The following HRAS variants were observed in gnomAD, a reference collection of about 807,000 sequenced individuals.
HRAS encodes the protein HRas proto-oncogene, GTPase.
In HRAS, 11 loss-of-function variants were observed where a neutral mutation model predicts 19.8. The ratio of observed to expected loss-of-function variants is 0.55; its 90% CI spans 0.35 to 0.92. The LOEUF (loss-of-function observed/expected upper bound fraction) is 0.92, where lower values mean the gene tolerates loss of function less well. Among genes scored for constraint, HRAS ranks in the 40% least tolerant of loss-of-function variants. The pLI, the probability that HRAS is intolerant of heterozygous loss-of-function variation, is 0.01. For synonymous variants in HRAS, 149 were observed against 105.5 expected, an observed-to-expected ratio of 1.41 and a Z score of -2.52; for missense variants, 204 against 255.9, an observed-to-expected ratio of 0.80 and a Z score of 1.38.
In HRAS at chr11:534,305, C is replaced by T. The variant is rs1370136176; in HGVS notation, c.18G>A (p.Leu6=). The T allele has an allele frequency of 3.1e-6, 5 of 1,613,112 alleles. No homozygotes were observed. The highest frequency in any genetic ancestry group is 1.7e-5 in the Admixed American group (1 of 60,026). Residue 6 remains leucine (L), a synonymous_variant, in exon 2 of 6, where the codon CTG becomes CTA. Coordinates refer to ENST00000311189, the MANE Select transcript of HRAS (RefSeq NM_005343.4). MTEYK[L]VVVGAGGVGK... ...CCACACCGCCGGCGCCCACCACCAC[C>T]AGCTTATATTCCGTCATCGCTCCTC...
At chr11:532,984 C>T (rs1390839287) in intron 4 of HRAS, among the ~76,000 whole-genome samples, 1 of 152,204 alleles carries the variant, frequency 6.6e-6, no homozygotes, top group African/African-American at 2.4e-5. Context: ...TGGCCCGGGG[C>T]CCTCCTGAAC....
At position 532,517 on chromosome 11, in the gene HRAS, C is replaced by T. The variant is rs1851162946; in HGVS notation, c.*11G>A. Reference sequence around the variant, plus strand: ...GCATCCGGCACCTCCATGTCCTGAGCTTGTGCTGGGCGGGGCACAAGGGAG... The same window carrying T: ...GCATCCGGCACCTCCATGTCCTGAGTTTGTGCTGGGCGGGGCACAAGGGAG... On this transcript the variant is annotated 3_prime_UTR_variant, in exon 6 of 6. Transcript: ENST00000311189. 3 of 1,392,436 alleles carry T rather than the reference C, an allele frequency of 2.2e-6. No homozygotes were observed. Among genetic ancestry groups the T allele is most frequent in the South Asian group, 2.5e-5 (2 of 79,626 alleles). The allele number at this position is 1,392,436 out of a possible 1,614,324, so 86.3% of individuals were successfully genotyped here.
intron 2 of HRAS, 75 bp from the exon 3 acceptor site, chr11:534,019 G>C (rs2133992732): frequency 2.0e-6 from 3 of 1,502,898 alleles, no homozygotes; most frequent in Admixed American, 3.3e-5. Context: ...CCTCTCCCTG[G>C]TACCTCTCAT....
chr11:535,467 C>CGGGGCGGGGGCG lies in HRAS; in HGVS notation c.-117_-106dup, dbSNP rs1554885658. On this transcript the variant is annotated 5_prime_UTR_variant, in exon 1 of 6. Coordinates refer to ENST00000311189, the MANE Select transcript of HRAS (RefSeq NM_005343.4). ...GCCAGGGCCGGGGCCGAGGCCGGGG[C>CGGGGCGGGGGCG]GGGGCGGGGGCGGGGGCGCGCGGTT... 1.4e-5 allele frequency: 2 copies of CGGGGCGGGGGCG among 147,078 alleles called. No individual in the cohort carries two copies. The highest frequency in any genetic ancestry group is 3.0e-5 in the Non-Finnish European group (2 of 65,844). The allele number at this position is 147,078 out of a possible 1,614,324, so 9.1% of individuals were successfully genotyped here. A position where few individuals can be genotyped will look rare whatever the true frequency, so the allele number is the denominator to read the frequency against.
chr11:534,177 A>G (rs1447109979), intron 2 of HRAS, 35 bp downstream of exon 2: 1 of 1,526,808 alleles, frequency 6.5e-7, no homozygotes, highest in East Asian at 2.2e-5. Flanking sequence ...CGCCCGCAGC[A>G]GCTGCTGGCA....
rs1311291461 is a variant in HRAS, at chr11:532,625, C to T, written c.*5+6G>A. The T allele has an allele frequency of 2.4e-5, 38 of 1,609,598 alleles. No homozygotes were observed. The highest frequency in any genetic ancestry group is 3.1e-5 in the Non-Finnish European group (37 of 1,179,672). ...GCGTGGCGGCCGCCCTGGGAGTCCC[C>T]CTCACCTGCGTCAGGAGAGCACACA... On this transcript the variant is annotated splice_donor_region_variant and intron_variant, in intron 5 of 5. Transcript: ENST00000311189.
intron 4 of HRAS, 91 bp from the exon 5 acceptor site, chr11:532,846 G>A: frequency 7.5e-7 from 1 of 1,329,460 alleles, no homozygotes; most frequent in South Asian, 1.2e-5. Context: ...GCCTTGCCTG[G>A]CCCGAAGCTC....
At position 532,807 on chromosome 11, in the gene HRAS, G is replaced by A. The variant is rs748759319; in HGVS notation, c.451-52C>T. 7 of 1,572,778 alleles carry A rather than the reference G, an allele frequency of 4.5e-6. 1 individual carries two copies. In the South Asian group the frequency reaches 6.6e-5, roughly 15 times the overall value. ...GGGACCGGCCTGTGGCCGCCTGCCT[G>A]GGTGAGGGGCTCCCTGCTGTGGGAT... On this transcript the variant is annotated intron_variant, in intron 4 of 5. Transcript: ENST00000311189.
rs754589455 is a variant in HRAS at position 533,437 on chromosome 11, T to C, written c.450+16A>G. The C allele has an allele frequency of 2.2e-5, 36 of 1,610,014 alleles. No homozygotes were observed. Among genetic ancestry groups the C allele is most frequent in the Non-Finnish European group, 3.0e-5 (35 of 1,179,652 alleles). On this transcript the variant is annotated intron_variant, in intron 4 of 5. Coordinates refer to ENST00000311189, the MANE Select transcript of HRAS (RefSeq NM_005343.4). ...GGCGGGTCCCTGGCTAGCTGTGGGG[T>C]GGAGAGCTGCCTCACCTGCCGGGTC...
At position 533,819 on chromosome 11, in the gene HRAS, C is replaced by A. The variant is rs767586105; in HGVS notation, c.237G>T (p.Leu79=). 6.2e-7 allele frequency: 1 copy of A among 1,613,406 alleles called. No homozygotes were observed. The highest frequency in any genetic ancestry group is 1.7e-5 in the Admixed American group (1 of 60,022). ...TGGTGTTGTTGATGGCAAACACACA[C>A]AGGAAGCCCTCCCCGGTGCGCATGT... is the stretch of plus-strand genomic sequence containing the variant. ...DQYMRTGEGF[L]CVFAINNTKS... is the part of the protein sequence containing the mutation. Residue 79 remains leucine (L), a synonymous_variant, in exon 3 of 6, where the codon CTG becomes CTT. Transcript: ENST00000311189.
Position 533,675 on chromosome 11 carries a change from C to A in HRAS, c.291-63G>T, listed in dbSNP as rs994042792. 5 of 1,612,002 alleles carry A rather than the reference C, an allele frequency of 3.1e-6. No homozygotes were observed. In the East Asian group the frequency reaches 1.1e-4, roughly 36 times the overall value. ...CAGGCGCAGCGGCATCCAGGACATG[C>A]GCAGAGAGGACAGGAGGCCCCTGCC... On this transcript the variant is annotated intron_variant, in intron 3 of 5. Coordinates refer to ENST00000311189, the MANE Select transcript of HRAS (RefSeq NM_005343.4).
At chr11:533,429 C>T (rs1371241893) in intron 4 of HRAS, 24 bp downstream of exon 4, 1 of 1,611,662 alleles carries the variant, frequency 6.2e-7, no homozygotes, top group Non-Finnish European at 8.5e-7. Flanking sequence ...CCCTGGCTAG[C>T]TGTGGGGTGG....
chr11:533,374 G>A, intron 4 of HRAS, 79 bp downstream of exon 4: 3 of 1,607,950 alleles, frequency 1.9e-6, no homozygotes, highest in Non-Finnish European at 2.5e-6. Flanking sequence ...TCAAGGGAGA[G>A]GGTCAGTGAG....
In HRAS at chr11:532,371, C is replaced by T; in HGVS notation, c.*157G>A. On this transcript the variant is annotated 3_prime_UTR_variant, in exon 6 of 6. Coordinates refer to ENST00000311189, the MANE Select transcript of HRAS (RefSeq NM_005343.4). Reference sequence around the variant, plus strand: ...GTTCAAGACAGTCTGTGCACAGCCTCCCTGGGAGGGTCTGCAGTCACCTCG... The same window carrying T: ...GTTCAAGACAGTCTGTGCACAGCCTTCCTGGGAGGGTCTGCAGTCACCTCG... 1 of 578,482 alleles carries T rather than the reference C, an allele frequency of 1.7e-6. No individual in the cohort carries two copies. Among genetic ancestry groups the T allele is most frequent in the South Asian group, 2.0e-5 (1 of 50,280 alleles). 35.8% of individuals were successfully genotyped at this position (578,482 alleles called of 1,614,324 possible).
rs1205035369 is a variant in HRAS at position 533,897 on chromosome 11, C to T, written c.159G>A (p.Leu53=). 1 of 1,613,220 alleles carries T rather than the reference C, an allele frequency of 6.2e-7. No individual in the cohort carries two copies. Among genetic ancestry groups the T allele is most frequent in the Admixed American group, 1.7e-5 (1 of 60,022 alleles). Residue 53 remains leucine, a synonymous_variant, in exon 3 of 6, where the codon TTG becomes TTA. Transcript: ENST00000311189. ...CCTGGCCGGCGGTATCCAGGATGTCCAACAGGCACGTCTCCCCATCAATGA... is the reference window on the plus strand; with the variant it reads ...CCTGGCCGGCGGTATCCAGGATGTCTAACAGGCACGTCTCCCCATCAATGA... The part of the protein sequence containing the change: ...QVVIDGETCL[L]DILDTAGQEE...
Position 532,274 on chromosome 11 carries a change from T to C in HRAS, c.*254A>G, listed in dbSNP as rs1851145675. 3 of 451,376 alleles carry C rather than the reference T, an allele frequency of 6.6e-6. No homozygotes were observed. The South Asian group carries it at 7.2e-5, about 11-fold the overall frequency. The allele number at this position is 451,376 out of a possible 1,614,324, so 28.0% of individuals were successfully genotyped here. On this transcript the variant is annotated 3_prime_UTR_variant, in exon 6 of 6. Transcript: ENST00000311189. ...CATCCAATAATTTACTGTGATCCCA[T>C]CTGTGCCCGACAAGGGCCCACAGAG...
At position 533,951 on chromosome 11, in the gene HRAS, G is replaced by A. The variant is rs756348934; in HGVS notation, c.112-7C>T. 4 of 1,609,660 alleles carry A rather than the reference G, an allele frequency of 2.5e-6. No homozygotes were observed. The highest frequency in any genetic ancestry group is 1.1e-5 in the South Asian group (1 of 91,088). The stretch of plus-strand genomic sequence containing the variant: ...CCTGCTTCCGGTAGGAATCCTGCAG[G>A]AGGACAGGGCTCAGGGACCCCCTCA... On this transcript the variant is annotated splice_region_variant and splice_polypyrimidine_tract_variant and intron_variant, in intron 2 of 5. Transcript: ENST00000311189.
intron 4 of HRAS, 167 bp downstream of exon 4, chr11:533,286 G>A (rs900369844): frequency 6.3e-7 from 1 of 1,593,880 alleles, no homozygotes; most frequent in Non-Finnish European, 8.5e-7. Flanking sequence ...CAGCGCGAGG[G>A]GCCGCTGGGT....
chr11:533,210 C>A, intron 4 of HRAS: 3 of 1,368,478 alleles, frequency 2.2e-6, no homozygotes, highest in Non-Finnish European at 3.0e-6. Context: ...CGGCCCAGGA[C>A]TGCAGGGCGT....
Sources: gnomAD v4.1 joint callset for allele counts (sites outside exome capture counted in the v4.1 genomes callset) on GRCh38, gnomAD v4.1.1 for gene constraint, MANE v1.5 for transcripts, NCBI Gene and HGNC (gene_info 2026-07-23, HGNC 2026-07-21) for gene names.